The following LPXN variants were observed in gnomAD, a reference collection of about 807,000 sequenced individuals.
The protein encoded by LPXN is leupaxin.
A neutral mutation model predicts 45.6 loss-of-function variants in LPXN; 28 were observed. That is an observed-to-expected ratio of 0.61 (90% CI 0.45 to 0.84). The LOEUF (loss-of-function observed/expected upper bound fraction) is 0.84, where lower values mean the gene tolerates loss of function less well. LPXN is among the 40% of genes least tolerant of loss of function. The pLI is 0.00. For synonymous variants in LPXN, 166 were observed against 169.9 expected (o/e 0.98, Z 0.18); for missense variants, 459 against 475.0 (o/e 0.97, Z 0.31).
intron 7 of LPXN, among the ~76,000 whole-genome samples, chr11:58,547,481 T>C (rs1276574088): frequency 6.6e-6 from 1 of 152,180 alleles, no homozygotes; most frequent in Non-Finnish European, 1.5e-5. Context: ...ATAAAGCCAA[T>C]TTAACAACAA....
Position 58,549,850 on chromosome 11 carries a change from C to A in LPXN, c.678G>T (p.Met226Ile). 1 of 1,614,152 alleles carries A rather than the reference C, an allele frequency of 6.2e-7. No individual in the cohort carries two copies. The highest frequency in any genetic ancestry group is 1.1e-5 in the South Asian group (1 of 91,066). The change falls in exon 7 of 9, where the codon ATG (methionine) becomes ATT (isoleucine). Residue 226 changes from methionine (M) to isoleucine (I), a missense_variant. Met to Ile is a conservative substitution (Grantham distance 10). Transcript: ENST00000395074. The part of the protein sequence containing the change: ...APILDKVLTA[M>I]NQTWHPEHFF... ...AGTGCTCTGGGTGCCAGGTCTGGTTCATTGCTGTCAGCACTTTCTGGAAAG... is the reference window on the plus strand; with the variant it reads ...AGTGCTCTGGGTGCCAGGTCTGGTTAATTGCTGTCAGCACTTTCTGGAAAG...
intron 1 of LPXN, among the ~76,000 whole-genome samples, chr11:58,573,906 A>T (rs371880933): frequency 6.6e-6 from 1 of 152,158 alleles, no homozygotes; most frequent in South Asian, 2.1e-4. Flanking sequence ...CTCTTTATCT[A>T]TCATGCCTAA....
At chr11:58,561,506 T>C (rs1324734276) in intron 3 of LPXN, among the ~76,000 whole-genome samples, 1 of 152,202 alleles carries the variant, frequency 6.6e-6, no homozygotes, top group Non-Finnish European at 1.5e-5. Flanking sequence ...ATTGATTCAA[T>C]CCATTGTGGA....
At chr11:58,574,954 T>C (rs1384646785) in intron 1 of LPXN, among the ~76,000 whole-genome samples, 2 of 152,164 alleles carry the variant, frequency 1.3e-5, no homozygotes, top group African/African-American at 2.4e-5. Context: ...GTGGAATTAA[T>C]ACAGTTTGGA....
intron 3 of LPXN, among the ~76,000 whole-genome samples, chr11:58,563,481 A>G (rs1223125298): frequency 6.6e-6 from 1 of 152,244 alleles, no homozygotes; most frequent in African/African-American, 2.4e-5. Flanking sequence ...CCCAAGCATG[A>G]ATCTTTACTA....
At chr11:58,535,386 T>C (rs1192906210) in intron 7 of LPXN, among the ~76,000 whole-genome samples, 1 of 152,178 alleles carries the variant, frequency 6.6e-6, no homozygotes, top group Non-Finnish European at 1.5e-5. Context: ...TCAATAAACA[T>C]AATCCATCTC....
chr11:58,550,055 C>T lies in LPXN; in HGVS notation c.578G>A (p.Arg193Gln), dbSNP rs149186197. ...GTTGGGGCAGTAGGCCAAGCCACTC[C>T]GCTCAAAGAAGGGACTGGAGCCAAT... ...EEIGSSPFFERSGLAYCPNDY... is the reference protein window; with the variant it reads ...EEIGSSPFFEQSGLAYCPNDY... Residue 193 changes from arginine (R) to glutamine (Q), a missense_variant, in exon 6 of 9, where the codon CGG becomes CAG. Coordinates refer to ENST00000395074, the MANE Select transcript of LPXN (RefSeq NM_004811.3). 1.1e-4 allele frequency: 178 copies of T among 1,614,048 alleles called. 1 individual carries two copies. Among genetic ancestry groups the T allele is most frequent in the Admixed American group, 4.8e-4 (29 of 59,998 alleles).
At chr11:58,529,294 A>G (rs376332211) in intron 7 of LPXN, among the ~76,000 whole-genome samples, 8 of 152,190 alleles carry the variant, frequency 5.3e-5, no homozygotes, top group South Asian at 2.1e-4. Flanking sequence ...TATGGTTTCA[A>G]CTATTGTTGT....
At chr11:58,549,144 C>T (rs1363898059) in intron 7 of LPXN, among the ~76,000 whole-genome samples, 1 of 152,204 alleles carries the variant, frequency 6.6e-6, no homozygotes, top group East Asian at 1.9e-4. Flanking sequence ...GCCTGTAATG[C>T]CAGCACTTTG....
intron 7 of LPXN, among the ~76,000 whole-genome samples, chr11:58,532,209 C>A (rs994168164): frequency 6.6e-6 from 1 of 152,198 alleles, no homozygotes; most frequent in Non-Finnish European, 1.5e-5. Flanking sequence ...GGATCTGCAG[C>A]CCGCCATGCC....
At chr11:58,554,998 C>A (rs1854161313) in intron 3 of LPXN, 58 bp from the exon 4 acceptor site, 3 of 1,122,452 alleles carry the variant, frequency 2.7e-6, no homozygotes, top group Non-Finnish European at 4.1e-6. Flanking sequence ...TAATGTTAAA[C>A]CACACATAAA....
intron 7 of LPXN, among the ~76,000 whole-genome samples, chr11:58,546,953 G>T (rs549378706): frequency 3.7e-4 from 57 of 152,274 alleles, no homozygotes; most frequent in African/African-American, 1.3e-3. Flanking sequence ...ACTGTGCTAT[G>T]AGTGCCCCAT....
At chr11:58,532,338 C>T (rs559336800) in intron 7 of LPXN, among the ~76,000 whole-genome samples, 17 of 152,356 alleles carry the variant, frequency 1.1e-4, no homozygotes, top group Admixed American at 3.9e-4. Context: ...GCGCACGGCA[C>T]GAGACTGGAG....
chr11:58,531,979 T>C (rs1011404403), intron 7 of LPXN, among the ~76,000 whole-genome samples: 3 of 152,198 alleles, frequency 2.0e-5, no homozygotes, highest in Non-Finnish European at 4.4e-5. Context: ...TGGGGCTGCA[T>C]GCGGTGCTCG....
At chr11:58,558,049 C>A (rs1565198837) in intron 3 of LPXN, among the ~76,000 whole-genome samples, 1 of 151,734 alleles carries the variant, frequency 6.6e-6, no homozygotes, top group Non-Finnish European at 1.5e-5. Context: ...TGTCTCACAC[C>A]TGTGGTCCCA....
Position 58,527,638 on chromosome 11 carries a change from C to A in LPXN, c.977G>T (p.Gly326Val). 6.2e-7 allele frequency: 1 copy of A among 1,614,138 alleles called. No homozygotes were observed. The highest frequency in any genetic ancestry group is 8.5e-7 in the Non-Finnish European group (1 of 1,180,020). ...CTGCCCACACCCATGGCAGAGCGTT[C>A]CCCGGCGGTGATGGTAATGGAGCTC... is the stretch of plus-strand genomic sequence containing the variant. ...FCELHYHHRR[G>V]TLCHGCGQPI... is the part of the protein sequence containing the mutation. Residue 326 changes from glycine to valine, a missense_variant, in exon 9 of 9, where the codon GGA (glycine) becomes GTA (valine). Physicochemically the swap from Gly to Val is moderately radical, Grantham distance 109. Coordinates refer to ENST00000395074, the MANE Select transcript of LPXN (RefSeq NM_004811.3).
Position 58,527,474 on chromosome 11 carries a change from T to TG in LPXN, c.1140dup (p.Asn381GlnfsTer2), listed in dbSNP as rs781421669. ...TGGCATTACAGTGGGAAGAGCTTAT[T>TG]GAAGCAAGGTTGACAATAGGTCTTG... On this transcript the variant is annotated frameshift_variant, in exon 9 of 9. Coordinates refer to ENST00000395074, the MANE Select transcript of LPXN (RefSeq NM_004811.3). LOFTEE classifies it high-confidence loss of function. The TG allele has an allele frequency of 1.7e-5, 27 of 1,614,228 alleles. No homozygotes were observed. The highest frequency in any genetic ancestry group is 2.3e-5 in the Non-Finnish European group (27 of 1,180,042).
intron 7 of LPXN, among the ~76,000 whole-genome samples, chr11:58,541,119 A>G: frequency 6.6e-6 from 1 of 152,232 alleles, no homozygotes. Flanking sequence ...CATTCAGGAC[A>G]CAGGCATGGG....
upstream of LPXN, chr11:58,578,095 G>A (rs1025481498): frequency 2.6e-6 from 4 of 1,541,796 alleles, no homozygotes; most frequent in Non-Finnish European, 3.5e-6. Flanking sequence ...ACCAAACCAA[G>A]GCAAGTCTGG....
Sources: gnomAD v4.1 joint callset for allele counts (sites outside exome capture counted in the v4.1 genomes callset) on GRCh38, gnomAD v4.1.1 for gene constraint, MANE v1.5 for transcripts, NCBI Gene and HGNC (gene_info 2026-07-23, HGNC 2026-07-21) for gene names.